Variants in EPB41 observed in about 807,000 individuals in gnomAD.
The protein encoded by EPB41 is protein 4.1.
EPB41 carries 65 observed loss-of-function variants against 108.0 expected under a neutral mutation model. The ratio of observed to expected loss-of-function variants is 0.60; its 90% CI spans 0.49 to 0.74. The LOEUF is 0.74. EPB41 is among the 30% of genes least tolerant of loss of function. The pLI is 0.00. For synonymous variants in EPB41, 336 were observed against 358.9 expected, an observed-to-expected ratio of 0.94 and a Z score of 0.72; for missense variants, 875 against 1,037.0, an observed-to-expected ratio of 0.84 and a Z score of 2.15.
intron 2 of EPB41, chr1:28,989,291 C>A: frequency 1.5e-6 from 1 of 674,664 alleles, no homozygotes; most frequent in South Asian, 6.7e-5. Flanking sequence ...TTATTTGTCC[C>A]AAAAAATGGG....
At chr1:29,107,577 G>A (rs1480357721) in intron 17 of EPB41, among the ~76,000 whole-genome samples, 1 of 152,028 alleles carries the variant, frequency 6.6e-6, no homozygotes, top group Non-Finnish European at 1.5e-5. Flanking sequence ...GCGGCTGGGC[G>A]CGGTGGCTCA....
intron 16 of EPB41, among the ~76,000 whole-genome samples, chr1:29,088,175 TAGCTGGGATTAC>T (rs1659931605): frequency 6.6e-6 from 1 of 151,646 alleles, no homozygotes. Flanking sequence ...GCCTCTTGAG[TAGCTGGGATTAC>T]AGGCGTGCGC....
intron 1 of EPB41, among the ~76,000 whole-genome samples, chr1:28,969,199 C>T (rs1362607780): frequency 2.0e-5 from 3 of 151,418 alleles, no homozygotes; most frequent in Admixed American, 1.3e-4. Context: ...ATTCTTGTGC[C>T]TCAGTCTCTC....
At chr1:29,021,626 A>T (rs984181216) in intron 7 of EPB41, among the ~76,000 whole-genome samples, 1 of 147,358 alleles carries the variant, frequency 6.8e-6, no homozygotes, top group Admixed American at 6.9e-5. Context: ...TCTGTCGCCC[A>T]GGCTGGAGTG....
rs916711751 is a variant in EPB41 at position 29,057,068 on chromosome 1, G to A, written c.1846-1521G>A. Among the ~76,000 whole-genome samples the A allele has an allele frequency of 7.9e-5, 12 of 152,076 alleles. 1 individual carries two copies. The highest frequency in any genetic ancestry group is 2.6e-4 in the Admixed American group (4 of 15,272). On this transcript the variant is annotated intron_variant, in intron 12 of 20. Transcript: ENST00000343067. ...AATGACCACACAGCAAGTATGCTGG[G>A]ACTCAAAGTAGAAATGACCCAAAAC...
chr1:29,003,896 G>T (rs1373176572), intron 4 of EPB41, among the ~76,000 whole-genome samples: 1 of 152,118 alleles, frequency 6.6e-6, no homozygotes, highest in Non-Finnish European at 1.5e-5. Context: ...CTAAGTAGCT[G>T]GGATTACAGG....
At chr1:28,960,182 T>A (rs1216407339) in intron 1 of EPB41, among the ~76,000 whole-genome samples, 35 of 151,748 alleles carry the variant, frequency 2.3e-4, no homozygotes, top group Admixed American at 2.2e-3. Flanking sequence ...TTTAAATTTT[T>A]ATTTTTGGTA....
At chr1:29,007,334 T>C (rs1310331632) in intron 4 of EPB41, among the ~76,000 whole-genome samples, 1 of 152,248 alleles carries the variant, frequency 6.6e-6, no homozygotes, top group Non-Finnish European at 1.5e-5. Flanking sequence ...ATGCTTCTGC[T>C]AGGAACATTC....
At chr1:29,106,731 A>G (rs1667322610) in intron 17 of EPB41, among the ~76,000 whole-genome samples, 1 of 150,016 alleles carries the variant, frequency 6.7e-6, no homozygotes. Context: ...TTGCCACCAC[A>G]CCTGGCTAAT....
chr1:28,887,817 G>T lies in EPB41; in HGVS notation c.-8+607G>T. ...GCCCCACACCCTCCCTGCCAGGCTT[G>T]GTCTAGGGGACTTCCCTCTGTCTGG... is the stretch of plus-strand genomic sequence containing the variant. On this transcript the variant is annotated intron_variant, in intron 1 of 16. Coordinates refer to the EPB41 transcript ENST00000347529. The surrounding 1 kb of genome is among the most constrained non-coding windows in gnomAD (Gnocchi z 4.9). The T allele has an allele frequency of 2.8e-6, 1 of 352,608 alleles. No individual in the cohort carries two copies. Among genetic ancestry groups the T allele is most frequent in the Non-Finnish European group, 4.0e-6 (1 of 251,394 alleles). The allele number at this position is 352,608 out of a possible 1,614,324, so 21.8% of individuals were successfully genotyped here.
chr1:28,916,479 T>G (rs1451309141), intron 1 of EPB41, among the ~76,000 whole-genome samples: 8 of 152,070 alleles, frequency 5.3e-5, no homozygotes, highest in Non-Finnish European at 1.5e-5. Context: ...GTACTAAAAA[T>G]GCAAAAAAGT....
rs369764647 is a variant in EPB41, at chr1:28,895,601, T to C, written c.-8+8391T>C. 6.6e-5 allele frequency among the ~76,000 whole-genome samples: 10 copies of C among 152,250 alleles called. No individual in the cohort carries two copies. The East Asian group carries it at 7.7e-4, about 12-fold the overall frequency. On this transcript the variant is annotated intron_variant, in intron 1 of 16. Coordinates refer to the EPB41 transcript ENST00000347529. ...ACCTCCTGGGTTCAAGCAATTCTCCTGTCTCAACCTCCCAAGTAGCTGGGA... is the reference window on the plus strand; with the variant it reads ...ACCTCCTGGGTTCAAGCAATTCTCCCGTCTCAACCTCCCAAGTAGCTGGGA...
chr1:28,923,226 G>C (rs1425240428), intron 1 of EPB41, among the ~76,000 whole-genome samples: 1 of 148,100 alleles, frequency 6.8e-6, no homozygotes, highest in South Asian at 2.2e-4. Flanking sequence ...CTCCCAAGTA[G>C]CTGGGATTAC....
rs1158239678 is a variant in EPB41, at chr1:29,008,952, C to T, written c.787-2913C>T. Among the ~76,000 whole-genome samples, 6 of 152,310 alleles carry T rather than the reference C, an allele frequency of 3.9e-5. 1 individual carries two copies. Among genetic ancestry groups the T allele is most frequent in the African/African-American group, 1.4e-4 (6 of 41,580 alleles). On this transcript the variant is annotated intron_variant, in intron 4 of 20. Coordinates refer to ENST00000343067, the MANE Select transcript of EPB41 (RefSeq NM_001376013.1). ...CCAGACATTCTATTAAGAAACATTT[C>T]CTAACTGACTTCTAAACCATTTTGG...
intron 16 of EPB41, among the ~76,000 whole-genome samples, chr1:29,090,150 G>A (rs900572994): frequency 1.3e-5 from 2 of 152,038 alleles, no homozygotes; most frequent in African/African-American, 4.8e-5. Context: ...TGTAACCCCA[G>A]CTACTTGGAG....
intron 5 of EPB41, among the ~76,000 whole-genome samples, chr1:29,014,677 C>T (rs922353620): frequency 6.6e-6 from 1 of 152,160 alleles, no homozygotes; most frequent in Non-Finnish European, 1.5e-5. Context: ...GAGAGCCTCC[C>T]TTCTCAGTCT....
intron 1 of EPB41, among the ~76,000 whole-genome samples, chr1:28,933,301 T>C (rs1427251498): frequency 6.6e-6 from 1 of 152,198 alleles, no homozygotes; most frequent in Non-Finnish European, 1.5e-5. Context: ...TGCTTAATAT[T>C]CTTACAGCAA....
chr1:28,910,741 A>G (rs543771794), upstream of EPB41, among the ~76,000 whole-genome samples: 1 of 150,402 alleles, frequency 6.6e-6, no homozygotes, highest in African/African-American at 2.4e-5. Flanking sequence ...ACCCTTTCAC[A>G]CTGTCTTTTT....
chr1:28,976,405 A>G (rs1290297651), intron 1 of EPB41, among the ~76,000 whole-genome samples: 1 of 152,106 alleles, frequency 6.6e-6, no homozygotes, highest in East Asian at 1.9e-4. Flanking sequence ...CCCATGCTGG[A>G]GTGTAATGGC....
Sources: gnomAD v4.1 joint callset for allele counts (sites outside exome capture counted in the v4.1 genomes callset) on GRCh38, gnomAD v4.1.1 for gene constraint, Gnocchi (gnomAD v3.1) non-coding constraint, MANE v1.5 for transcripts, NCBI Gene and HGNC (gene_info 2026-07-23, HGNC 2026-07-21) for gene names.